The following PIEZO2 variants were observed in gnomAD, a reference collection of about 807,000 sequenced individuals.
PIEZO2 encodes piezo-type mechanosensitive ion channel component 2.
PIEZO2 carries 172 observed loss-of-function variants against 337.3 expected under a neutral mutation model. That is an observed-to-expected ratio of 0.51 (90% CI 0.45 to 0.58). PIEZO2 has a LOEUF of 0.58. Among genes scored for constraint, PIEZO2 ranks in the 20% least tolerant of loss-of-function variants. PIEZO2 has a pLI of 0.00. For synonymous variants in PIEZO2, 1,251 were observed against 1,228.5 expected, an observed-to-expected ratio of 1.02 and a Z score of -0.38; for missense variants, 3,028 against 3,391.3, an observed-to-expected ratio of 0.89 and a Z score of 2.66.
rs112377786 is a variant in PIEZO2 at position 10,704,826 on chromosome 18, A to T, written c.6000-174T>A. ...CAGCCTCCTGAGTACCTGGGATTAC[A>T]GGTGCCTGCCACCACACCCAGCTAA... is the stretch of plus-strand genomic sequence containing the variant. On this transcript the variant is annotated intron_variant, in intron 41 of 55. Coordinates refer to ENST00000674853, the MANE Select transcript of PIEZO2 (RefSeq NM_001378183.1). Among the ~76,000 whole-genome samples the T allele has an allele frequency of 0.013, 2,026 of 152,224 alleles. 53 individuals carry two copies. The highest frequency in any genetic ancestry group is 0.045 in the African/African-American group (1,865 of 41,532).
intron 15 of PIEZO2, among the ~76,000 whole-genome samples, chr18:10,787,990 G>C (rs986937078): frequency 6.6e-6 from 1 of 152,090 alleles, no homozygotes; most frequent in Non-Finnish European, 1.5e-5. Context: ...ACAAAGAGCA[G>C]GCACATGCCA....
At chr18:10,912,953 G>A (rs182420795) in intron 3 of PIEZO2, among the ~76,000 whole-genome samples, 1 of 151,886 alleles carries the variant, frequency 6.6e-6, no homozygotes, top group African/African-American at 2.4e-5. Flanking sequence ...AATATGTTTT[G>A]CTGAGTAGGA....
At chr18:11,006,696 C>T (rs994118416) in intron 2 of PIEZO2, among the ~76,000 whole-genome samples, 1 of 152,204 alleles carries the variant, frequency 6.6e-6, no homozygotes, top group Non-Finnish European at 1.5e-5. Flanking sequence ...CTTTCCTCCT[C>T]CCCTGCCTCC....
intron 4 of PIEZO2, among the ~76,000 whole-genome samples, chr18:10,896,548 G>A (rs575286358): frequency 4.6e-5 from 7 of 152,288 alleles, no homozygotes; most frequent in South Asian, 2.1e-4. Flanking sequence ...CATGATGGCC[G>A]AGTGAAAACA....
chr18:10,785,339 C>T (rs994771758), intron 16 of PIEZO2, among the ~76,000 whole-genome samples: 9 of 152,202 alleles, frequency 5.9e-5, no homozygotes, highest in Non-Finnish European at 1.2e-4. Flanking sequence ...TTTGATCTCT[C>T]TTCCAGCTGT....
intron 26 of PIEZO2, among the ~76,000 whole-genome samples, chr18:10,758,607 G>A (rs1030299625): frequency 2.0e-5 from 3 of 152,156 alleles, no homozygotes; most frequent in African/African-American, 7.2e-5. Flanking sequence ...CACCATGCCT[G>A]GCTAATTTTT....
intron 24 of PIEZO2, 143 bp from the exon 25 acceptor site, chr18:10,760,052 C>CT: frequency 2.8e-6 from 2 of 725,964 alleles, no homozygotes; most frequent in Non-Finnish European, 4.5e-6. Flanking sequence ...AATGCTTGCT[C>CT]TTTTGAGTGT....
chr18:11,115,755 G>A (rs924302282), intron 1 of PIEZO2, among the ~76,000 whole-genome samples: 3 of 151,844 alleles, frequency 2.0e-5, no homozygotes, highest in Non-Finnish European at 4.4e-5. Flanking sequence ...ATTTTTATCT[G>A]GCAATGATAA....
At chr18:11,082,055 C>T (rs971653107) in intron 1 of PIEZO2, among the ~76,000 whole-genome samples, 5 of 151,874 alleles carry the variant, frequency 3.3e-5, no homozygotes, top group South Asian at 2.1e-4. Context: ...CCACTGCGCC[C>T]GGCCTCAACT....
chr18:10,872,503 C>G lies in PIEZO2; in HGVS notation c.330-1088G>C, dbSNP rs1446303057. 6.6e-6 allele frequency among the ~76,000 whole-genome samples: 1 copy of G among 152,208 alleles called. No homozygotes were observed. Among genetic ancestry groups the G allele is most frequent in the Non-Finnish European group, 1.5e-5 (1 of 68,032 alleles). On this transcript the variant is annotated intron_variant, in intron 4 of 55. Coordinates refer to ENST00000674853, the MANE Select transcript of PIEZO2 (RefSeq NM_001378183.1). This position sits in a 1 kb window ranked among gnomAD's most constrained non-coding sequence, Gnocchi z 4.3. The stretch of plus-strand genomic sequence containing the variant: ...CACATCACCTCAGCTGAAATGTGTT[C>G]TGGCTAAGCTCACTCTGCTGCAAGA...
intron 39 of PIEZO2, chr18:10,709,392 C>G (rs891110492): frequency 6.6e-6 from 1 of 152,274 alleles, no homozygotes; most frequent in Non-Finnish European, 1.5e-5. Context: ...GAGGGACAGA[C>G]AGCCCAAAGA....
chr18:11,076,253 C>G (rs942794700), intron 1 of PIEZO2, among the ~76,000 whole-genome samples: 1 of 152,124 alleles, frequency 6.6e-6, no homozygotes, highest in Non-Finnish European at 1.5e-5. Context: ...AACACAGAAA[C>G]ATTGTATTCT....
At position 10,871,333 on chromosome 18, in the gene PIEZO2, G is replaced by C; in HGVS notation, c.412C>G (p.Leu138Val). The change falls in exon 5 of 56, where the codon CTC (leucine) becomes GTC (valine). Residue 138 changes from leucine to valine, a missense_variant. By Grantham distance (32) the Leu-to-Val change is conservative (BLOSUM62 1). Coordinates refer to ENST00000674853, the MANE Select transcript of PIEZO2 (RefSeq NM_001378183.1). ...TTCTGAACAATGTTTCTACAGAGGAGCCAGATGGTCAGACTAGCAATGAAC... is the reference window on the plus strand; with the variant it reads ...TTCTGAACAATGTTTCTACAGAGGACCCAGATGGTCAGACTAGCAATGAAC... ...GMFIASLTIWLLCRNIVQKPV... is the reference protein window; with the variant it reads ...GMFIASLTIWVLCRNIVQKPV... The C allele has an allele frequency of 6.5e-7, 1 of 1,537,226 alleles. No individual in the cohort carries two copies. Among genetic ancestry groups the C allele is most frequent in the Non-Finnish European group, 8.7e-7 (1 of 1,146,838 alleles).
At chr18:10,745,941 C>A (rs2037405908) in intron 30 of PIEZO2, among the ~76,000 whole-genome samples, 1 of 152,188 alleles carries the variant, frequency 6.6e-6, no homozygotes, top group African/African-American at 2.4e-5. Flanking sequence ...CTGGCACCAC[C>A]GTTTGGCTAA....
intron 3 of PIEZO2, among the ~76,000 whole-genome samples, chr18:10,978,168 A>G (rs2034521074): frequency 6.6e-6 from 1 of 152,118 alleles, no homozygotes; most frequent in African/African-American, 2.4e-5. Context: ...TAAAAAACAC[A>G]AAAAATAAAA....
chr18:11,062,298 T>TA (rs1478163230), intron 2 of PIEZO2, among the ~76,000 whole-genome samples: 2 of 151,990 alleles, frequency 1.3e-5, no homozygotes, highest in Admixed American at 1.3e-4. Flanking sequence ...CCTAAAACCA[T>TA]AAAAACTCTA....
At chr18:11,023,545 T>C (rs1250294286) in intron 2 of PIEZO2, among the ~76,000 whole-genome samples, 1 of 152,174 alleles carries the variant, frequency 6.6e-6, no homozygotes, top group Non-Finnish European at 1.5e-5. Flanking sequence ...GACATAAAGG[T>C]TCTCCAAGTC....
At position 11,146,253 on chromosome 18, in the gene PIEZO2, T is replaced by C. The variant is rs927453060; in HGVS notation, c.64+2272A>G. The stretch of plus-strand genomic sequence containing the variant: ...TGCATGTTGGCCAAGGTTATTATCT[T>C]GTCGCCCCTGGAAGCCGAGCTCCTC... On this transcript the variant is annotated intron_variant, in intron 1 of 55. Transcript: ENST00000674853. This position sits in a 1 kb window ranked among gnomAD's most constrained non-coding sequence, Gnocchi z 6.1. Among the ~76,000 whole-genome samples the C allele has an allele frequency of 6.6e-6, 1 of 152,150 alleles. No homozygotes were observed. The highest frequency in any genetic ancestry group is 1.5e-5 in the Non-Finnish European group (1 of 68,022).
At chr18:10,841,670 A>G (rs1045082353) in intron 7 of PIEZO2, among the ~76,000 whole-genome samples, 19 of 152,244 alleles carry the variant, frequency 1.2e-4, no homozygotes, top group African/African-American at 4.6e-4. Flanking sequence ...TTGCCCTTCT[A>G]GAAATGCTAA....
Sources: allele counts gnomAD v4.1 joint callset (sites outside exome capture counted in the v4.1 genomes callset), GRCh38; gene constraint gnomAD v4.1.1; non-coding constraint Gnocchi (gnomAD v3.1); transcripts MANE v1.5; gene names NCBI Gene and HGNC (gene_info 2026-07-23, HGNC 2026-07-21).